The following OSBP2 variants were observed in gnomAD, a reference collection of about 807,000 sequenced individuals.
OSBP2 encodes oxysterol binding protein 2.
Under a neutral mutation model 96.0 loss-of-function variants are expected in OSBP2, and 66 were observed. The ratio of observed to expected loss-of-function variants is 0.69; its 90% CI spans 0.56 to 0.84. OSBP2 has a LOEUF of 0.84. Ranked by LOEUF, OSBP2 falls within the 40% of genes least tolerant of loss-of-function variation. The pLI, the probability that OSBP2 is intolerant of heterozygous loss-of-function variation, is 0.00. For synonymous variants in OSBP2, 525 were observed against 520.9 expected (o/e 1.01, Z -0.11); for missense variants, 1,038 against 1,222.7 (o/e 0.85, Z 2.25).
At chr22:30,889,257 A>T in intron 6 of OSBP2, 23 bp downstream of exon 6, 1 of 1,605,968 alleles carries the variant, frequency 6.2e-7, no homozygotes, top group Non-Finnish European at 8.5e-7. Context: ...GAGCACTGTA[A>T]GGGCCAGAAG....
intron 12 of OSBP2, among the ~76,000 whole-genome samples, chr22:30,901,484 T>C (rs1477646853): frequency 1.3e-5 from 2 of 152,226 alleles, no homozygotes; most frequent in African/African-American, 2.4e-5. Context: ...ATAAAAAACA[T>C]GTATGTTGAA....
At chr22:30,900,254 C>CAA (rs200271401) in intron 12 of OSBP2, among the ~76,000 whole-genome samples, 103 of 108,430 alleles carry the variant, frequency 9.5e-4, no homozygotes, top group African/African-American at 3.3e-3. Context: ...AACTCCATCT[C>CAA]AAAAAAAAAA....
At chr22:30,825,795 C>T (rs1399059979) in intron 2 of OSBP2, among the ~76,000 whole-genome samples, 2 of 152,100 alleles carry the variant, frequency 1.3e-5, no homozygotes, top group Admixed American at 6.5e-5. Context: ...ATCAGTTTCT[C>T]GTCTGCGGCC....
At chr22:30,879,275 C>T (rs2039650349) in intron 3 of OSBP2, among the ~76,000 whole-genome samples, 1 of 152,204 alleles carries the variant, frequency 6.6e-6, no homozygotes, top group African/African-American at 2.4e-5. Context: ...CATCCAGGGC[C>T]TGGGGAGATG....
intron 2 of OSBP2, among the ~76,000 whole-genome samples, chr22:30,833,247 T>G (rs2038567518): frequency 1.3e-5 from 2 of 152,188 alleles, no homozygotes; most frequent in African/African-American, 4.8e-5. Flanking sequence ...TGTTAGAGAT[T>G]AGAGGACATA....
intron 12 of OSBP2, among the ~76,000 whole-genome samples, chr22:30,904,599 T>A (rs953243619): frequency 2.0e-5 from 3 of 151,778 alleles, no homozygotes; most frequent in African/African-American, 7.3e-5. Context: ...AATTAAAATA[T>A]ATATATATAT....
At chr22:30,827,329 TG>T (rs2038425651) in intron 2 of OSBP2, among the ~76,000 whole-genome samples, 4 of 152,130 alleles carry the variant, frequency 2.6e-5, no homozygotes. Context: ...CACACCGAGT[TG>T]TCACTGTTAC....
chr22:30,895,219 C>T (rs751238295), intron 12 of OSBP2, among the ~76,000 whole-genome samples: 1 of 151,262 alleles, frequency 6.6e-6, no homozygotes, highest in African/African-American at 2.4e-5. Flanking sequence ...CTAGGGTAAC[C>T]GCTAAAATAA....
rs752770258 is a variant in OSBP2, at chr22:30,890,970, G to A, written c.1866G>A (p.Glu622=). 1.0e-5 allele frequency: 16 copies of A among 1,606,156 alleles called. No homozygotes were observed. In the African/African-American group the frequency reaches 1.5e-4, roughly 15 times the overall value. ...ACATGGGCCTGCGCTCCCTCTGTGA[G>A]CAGGTGAGGGGGCTAGGCTGGCACT... ...LDDMGLRSLC[E]QVSHHPPSAA... is the part of the protein sequence containing the mutation. The change falls in exon 8 of 14, where the codon GAG becomes GAA. Residue 622 remains glutamate, a synonymous_variant. Coordinates refer to ENST00000332585, the MANE Select transcript of OSBP2 (RefSeq NM_030758.4). The surrounding 1 kb of genome is among the most constrained non-coding windows in gnomAD (Gnocchi z 4.4).
In OSBP2 at chr22:30,800,282, A is replaced by G. The variant is rs956537625; in HGVS notation, c.853+58913A>G. ...AGCTTACGAGAGGGGGCAGGGACCC[A>G]GGGAAGAGGCTGCCATGTGGGACCA... On this transcript the variant is annotated intron_variant, in intron 2 of 13. Coordinates refer to ENST00000332585, the MANE Select transcript of OSBP2 (RefSeq NM_030758.4). Among the ~76,000 whole-genome samples the G allele has an allele frequency of 4.6e-5, 7 of 152,282 alleles. No homozygotes were observed. The South Asian group carries it at 8.3e-4, about 18-fold the overall frequency.
intron 2 of OSBP2, among the ~76,000 whole-genome samples, chr22:30,763,625 AAC>A (rs2090233712): frequency 6.9e-6 from 1 of 145,506 alleles, no homozygotes; most frequent in South Asian, 2.2e-4. Flanking sequence ...CAGCCTGGGC[AAC>A]AGAGTGACAG....
At chr22:30,867,593 T>A (rs545145967) in intron 2 of OSBP2, among the ~76,000 whole-genome samples, 2 of 152,232 alleles carry the variant, frequency 1.3e-5, no homozygotes, top group Non-Finnish European at 2.9e-5. Flanking sequence ...TGGGTAATCA[T>A]TGGCCCAAGT....
intron 2 of OSBP2, among the ~76,000 whole-genome samples, chr22:30,857,948 G>A (rs1484146928): frequency 1.3e-5 from 2 of 152,174 alleles, no homozygotes; most frequent in African/African-American, 4.8e-5. Context: ...TGTCGCTGAA[G>A]GGCCTCCTGG....
At chr22:30,858,247 C>G (rs1019442602) in intron 2 of OSBP2, among the ~76,000 whole-genome samples, 2 of 150,742 alleles carry the variant, frequency 1.3e-5, no homozygotes, top group African/African-American at 4.9e-5. Context: ...CCCGGGTTCA[C>G]GCCATTCTCC....
intron 1 of OSBP2, among the ~76,000 whole-genome samples, chr22:30,714,676 G>A (rs941958599): frequency 7.2e-5 from 11 of 152,212 alleles, no homozygotes; most frequent in Non-Finnish European, 1.5e-4. Flanking sequence ...GAGTGCAATG[G>A]TGTGATCTTG....
Position 30,695,244 on chromosome 22 carries a change from C to A in OSBP2, c.335C>A (p.Ser112Ter). 1 of 1,613,588 alleles carries A rather than the reference C, an allele frequency of 6.2e-7. No individual in the cohort carries two copies. The highest frequency in any genetic ancestry group is 2.2e-5 in the East Asian group (1 of 44,876). Residue 112 changes from serine to a stop codon, truncating the protein, a stop_gained, in exon 1 of 14, where the codon TCA (serine) becomes TAA (stop). Coordinates refer to ENST00000332585, the MANE Select transcript of OSBP2 (RefSeq NM_030758.4). LOFTEE classifies it high-confidence loss of function. ...TCGCGGCCGGGGTCAGAGTCAAGCT[C>A]AGGTGTAGGGGCTGGGCCCTTCACT... is the stretch of plus-strand genomic sequence containing the variant. ...QGSRPGSESS[S>*]GVGAGPFTKA...
intron 2 of OSBP2, among the ~76,000 whole-genome samples, chr22:30,866,141 AGCCTTAGATGGCTT>A (rs1291327440): frequency 2.0e-5 from 3 of 152,196 alleles, no homozygotes; most frequent in East Asian, 1.9e-4. Flanking sequence ...TAATCCCCAG[AGCCTTAGATGGCTT>A]GCCTTAGATG....
chr22:30,792,267 C>T (rs969092952), intron 2 of OSBP2, among the ~76,000 whole-genome samples: 16 of 151,874 alleles, frequency 1.1e-4, no homozygotes, highest in Admixed American at 5.2e-4. Context: ...GAATTGAGAT[C>T]GCACCACTGC....
chr22:30,883,377 T>A (rs1294893124), intron 3 of OSBP2, among the ~76,000 whole-genome samples: 1 of 152,242 alleles, frequency 6.6e-6, no homozygotes, highest in African/African-American at 2.4e-5. Context: ...GGGACTTCCC[T>A]GAAGCAGCAC....
Sources: allele counts gnomAD v4.1 joint callset (sites outside exome capture counted in the v4.1 genomes callset), GRCh38; gene constraint gnomAD v4.1.1; non-coding constraint Gnocchi (gnomAD v3.1); transcripts MANE v1.5; gene names NCBI Gene and HGNC (gene_info 2026-07-23, HGNC 2026-07-21).